EIPR1: variants seen among roughly 807,000 people sequenced by gnomAD.
The protein encoded by EIPR1 is EARP and GARP complex-interacting protein 1.
In EIPR1, 25 loss-of-function variants were observed where a neutral mutation model predicts 48.1. The observed-to-expected ratio is 0.52, with a 90% CI of 0.38 to 0.73. The LOEUF (loss-of-function observed/expected upper bound fraction) is 0.73. Among genes scored for constraint, EIPR1 ranks in the 30% least tolerant of loss-of-function variants. EIPR1 has a pLI of 0.00. For synonymous variants in EIPR1, 204 were observed against 201.9 expected, an observed-to-expected ratio of 1.01 and a Z score of -0.09; for missense variants, 415 against 506.2, an observed-to-expected ratio of 0.82 and a Z score of 1.73.
chr2:3,196,306 G>A (rs1362746617), intron 6 of EIPR1, among the ~76,000 whole-genome samples: 3 of 152,200 alleles, frequency 2.0e-5, no homozygotes, highest in Non-Finnish European at 4.4e-5. Context: ...AAAAAAGCTT[G>A]TGTGGGCTTC....
chr2:3,277,531 G>T (rs537266823), intron 3 of EIPR1, among the ~76,000 whole-genome samples: 7 of 152,226 alleles, frequency 4.6e-5, no homozygotes, highest in African/African-American at 1.7e-4. Context: ...CTTCACCTAC[G>T]TGCTTTACAA....
At chr2:3,353,361 A>G (rs761476946) in intron 2 of EIPR1, 4 of 468,556 alleles carry the variant, frequency 8.5e-6, no homozygotes, top group Non-Finnish European at 1.8e-5. Context: ...GCTTTTTTAC[A>G]CCACGTTGAT....
intron 3 of EIPR1, among the ~76,000 whole-genome samples, chr2:3,333,608 G>C (rs116367101): frequency 6.6e-6 from 1 of 152,032 alleles, no homozygotes; most frequent in Non-Finnish European, 1.5e-5. Flanking sequence ...AGATATGGTA[G>C]TGCATACCTG....
intron 3 of EIPR1, among the ~76,000 whole-genome samples, chr2:3,259,387 A>AT (rs1667258636): frequency 6.6e-6 from 1 of 152,188 alleles, no homozygotes; most frequent in Admixed American, 6.5e-5. Context: ...CTCCTTAACT[A>AT]TATCCACGTT....
chr2:3,202,029 CG>C (rs1383751068), intron 5 of EIPR1, among the ~76,000 whole-genome samples: 5 of 152,242 alleles, frequency 3.3e-5, no homozygotes, highest in South Asian at 2.1e-4. Flanking sequence ...CTCCAATTCC[CG>C]GGGTTCACGC....
At chr2:3,317,240 C>T (rs985225617) in intron 3 of EIPR1, among the ~76,000 whole-genome samples, 3 of 151,124 alleles carry the variant, frequency 2.0e-5, no homozygotes, top group African/African-American at 7.3e-5. Flanking sequence ...ACTGACCAAG[C>T]TGAGGACCTA....
intron 3 of EIPR1, among the ~76,000 whole-genome samples, chr2:3,259,791 T>G (rs1472022970): frequency 6.6e-6 from 1 of 152,240 alleles, no homozygotes; most frequent in Non-Finnish European, 1.5e-5. Context: ...GATGGTCACT[T>G]GTTTTACTAC....
chr2:3,350,602 A>G (rs1416843796), intron 2 of EIPR1, among the ~76,000 whole-genome samples: 1 of 152,242 alleles, frequency 6.6e-6, no homozygotes, highest in African/African-American at 2.4e-5. Flanking sequence ...CCAGCACATA[A>G]AAAAGAGGAA....
chr2:3,211,360 G>A (rs961163934), intron 5 of EIPR1, among the ~76,000 whole-genome samples: 3 of 152,066 alleles, frequency 2.0e-5, no homozygotes, highest in African/African-American at 4.8e-5. Context: ...TCCAAGGTGC[G>A]CCGGCAAGGA....
chr2:3,217,549 A>T (rs1055225862), intron 4 of EIPR1, among the ~76,000 whole-genome samples: 3 of 152,232 alleles, frequency 2.0e-5, no homozygotes, highest in Non-Finnish European at 4.4e-5. Flanking sequence ...CATAGCTAAG[A>T]TTTTAATCCA....
chr2:3,243,570 G>A, intron 4 of EIPR1, among the ~76,000 whole-genome samples: 1 of 152,174 alleles, frequency 6.6e-6, no homozygotes, highest in Non-Finnish European at 1.5e-5. Context: ...GGCAGAGGTT[G>A]CAGTGAGCCG....
intron 1 of EIPR1, 109 bp from the exon 2 acceptor site, chr2:3,354,742 A>C (rs1267669890): frequency 8.9e-7 from 1 of 1,125,176 alleles, no homozygotes; most frequent in African/African-American, 1.6e-5. Context: ...GATAAAGTAT[A>C]AATTAGTACA....
rs540894721 is a variant in EIPR1 at position 3,360,415 on chromosome 2, A to AAAAG, written c.43-5786_43-5783dup. On this transcript the variant is annotated intron_variant, in intron 1 of 8. Coordinates refer to ENST00000382125, the MANE Select transcript of EIPR1 (RefSeq NM_003310.5). ...GTGAGACTCCATCTCAAAAAAAAAA[A>AAAAG]AAAGAAAGAAAGAAAGAAAGGCCAA... Among the ~76,000 whole-genome samples, 521 of 150,234 alleles carry AAAAG rather than the reference A, an allele frequency of 3.5e-3. 2 individuals are homozygous for AAAAG. The highest frequency in any genetic ancestry group is 0.012 in the African/African-American group (486 of 40,950).
At chr2:3,272,163 T>C (rs574652961) in intron 3 of EIPR1, among the ~76,000 whole-genome samples, 1 of 152,366 alleles carries the variant, frequency 6.6e-6, no homozygotes, top group Admixed American at 6.5e-5. Flanking sequence ...TGCTCCGGAT[T>C]AGGCTTTGGC....
At chr2:3,200,363 A>G (rs1664986834) in intron 5 of EIPR1, among the ~76,000 whole-genome samples, 1 of 152,184 alleles carries the variant, frequency 6.6e-6, no homozygotes, top group African/African-American at 2.4e-5. Context: ...TCTCCTTAGG[A>G]AAAGCGCGGG....
At chr2:3,349,049 G>A (rs968395237) in intron 2 of EIPR1, among the ~76,000 whole-genome samples, 1 of 152,224 alleles carries the variant, frequency 6.6e-6, no homozygotes, top group Non-Finnish European at 1.5e-5. Flanking sequence ...ACACGGCATG[G>A]CAACAGCACG....
At chr2:3,273,921 C>G (rs1227566719) in intron 3 of EIPR1, among the ~76,000 whole-genome samples, 1 of 152,116 alleles carries the variant, frequency 6.6e-6, no homozygotes, top group Middle Eastern at 3.2e-3. Context: ...GAAATAAAAG[C>G]TGGATTATGA....
At chr2:3,377,384 G>A (rs1265820839) in intron 1 of EIPR1, 1 of 412,980 alleles carries the variant, frequency 2.4e-6, no homozygotes, top group Non-Finnish European at 4.3e-6. Flanking sequence ...CCACCAAAGT[G>A]AGTGATAACT....
intron 3 of EIPR1, among the ~76,000 whole-genome samples, chr2:3,307,028 T>C (rs1001197454): frequency 6.6e-6 from 1 of 152,018 alleles, no homozygotes; most frequent in Non-Finnish European, 1.5e-5. Context: ...AGTGGCGTGA[T>C]CCGGGCTCAC....
Sources: allele counts gnomAD v4.1 joint callset (sites outside exome capture counted in the v4.1 genomes callset), GRCh38; gene constraint gnomAD v4.1.1; transcripts MANE v1.5; gene names NCBI Gene and HGNC (gene_info 2026-07-23, HGNC 2026-07-21).